DLG2: variants seen among roughly 807,000 people sequenced by gnomAD.
DLG2 encodes the protein discs large MAGUK scaffold protein 2.
In DLG2, 45 loss-of-function variants were observed where a neutral mutation model predicts 132.5. The ratio of observed to expected loss-of-function variants is 0.34; its 90% confidence interval spans 0.27 to 0.44. The LOEUF is 0.44. DLG2 is among the 20% of genes least tolerant of loss of function. The pLI is 1.00. For missense variants in DLG2, 1,045 were observed against 1,196.9 expected, an observed-to-expected ratio of 0.87 and a Z score of 1.87; for synonymous variants, 424 against 419.6, an observed-to-expected ratio of 1.01 and a Z score of -0.13.
intron 6 of DLG2, among the ~76,000 whole-genome samples, chr11:85,046,103 CCTTT>C (rs777056427): frequency 2.6e-5 from 4 of 152,012 alleles, no homozygotes; most frequent in Admixed American, 1.3e-4. Context: ...CCATAAACCC[CCTTT>C]CTATTTCTTG....
chr11:83,740,660 A>G (rs542441368), intron 18 of DLG2, among the ~76,000 whole-genome samples: 1 of 152,314 alleles, frequency 6.6e-6, no homozygotes. Context: ...TTTTATGAAA[A>G]CAGTAAAAAT....
intron 3 of DLG2, among the ~76,000 whole-genome samples, chr11:85,458,519 A>G (rs2092493677): frequency 6.6e-6 from 1 of 152,186 alleles, no homozygotes; most frequent in Non-Finnish European, 1.5e-5. Context: ...GAGTTGCCAG[A>G]GTTCTCGCAC....
intron 8 of DLG2, among the ~76,000 whole-genome samples, chr11:84,183,699 A>G (rs1309256681): frequency 6.6e-6 from 1 of 152,120 alleles, no homozygotes; most frequent in Non-Finnish European, 1.5e-5. Flanking sequence ...TACATCAGGT[A>G]TATCTCCTAA....
At chr11:85,152,023 C>A (rs1343460590) in intron 5 of DLG2, among the ~76,000 whole-genome samples, 1 of 152,090 alleles carries the variant, frequency 6.6e-6, no homozygotes, top group African/African-American at 2.4e-5. Flanking sequence ...GAAAAAGAAG[C>A]TCCCTTCTAA....
At chr11:85,582,232 C>T (rs1217121823) in intron 3 of DLG2, among the ~76,000 whole-genome samples, 1 of 151,536 alleles carries the variant, frequency 6.6e-6, no homozygotes, top group Non-Finnish European at 1.5e-5. Context: ...TGTGTAGAGC[C>T]AATGATTTAG....
intron 6 of DLG2, among the ~76,000 whole-genome samples, chr11:84,917,779 T>A (rs1464265712): frequency 6.6e-6 from 1 of 152,186 alleles, no homozygotes; most frequent in South Asian, 2.1e-4. Context: ...ACACGTTAAG[T>A]AGGCTTAGAT....
chr11:84,402,799 G>A (rs1477450593), intron 7 of DLG2, among the ~76,000 whole-genome samples: 1 of 150,200 alleles, frequency 6.7e-6, no homozygotes, highest in Non-Finnish European at 1.5e-5. Context: ...GGAGAATGGC[G>A]TGAAGCCGGG....
intron 5 of DLG2, among the ~76,000 whole-genome samples, chr11:85,137,317 C>T (rs2076197041): frequency 6.6e-6 from 1 of 152,058 alleles, no homozygotes; most frequent in Non-Finnish European, 1.5e-5. Flanking sequence ...ATCTCATGGT[C>T]ATAATACCCT....
intron 12 of DLG2, among the ~76,000 whole-genome samples, chr11:83,972,170 T>C (rs1387435135): frequency 1.3e-5 from 2 of 152,280 alleles, no homozygotes; most frequent in Non-Finnish European, 2.9e-5. Context: ...TAAACCTTGC[T>C]GTTTCTAGAA....
chr11:85,388,764 C>T (rs1246150635), intron 3 of DLG2, among the ~76,000 whole-genome samples: 1 of 152,120 alleles, frequency 6.6e-6, no homozygotes, highest in East Asian at 1.9e-4. Context: ...CACTGCAGTT[C>T]AGCTCTCAGG....
intron 7 of DLG2, among the ~76,000 whole-genome samples, chr11:84,378,497 A>G (rs982816325): frequency 6.6e-6 from 1 of 152,144 alleles, no homozygotes; most frequent in African/African-American, 2.4e-5. Flanking sequence ...AACCAGAAAA[A>G]AGATGATGAG....
chr11:84,681,685 T>TA (rs1365737446), intron 6 of DLG2, among the ~76,000 whole-genome samples: 1 of 152,108 alleles, frequency 6.6e-6, no homozygotes, highest in Non-Finnish European at 1.5e-5. Flanking sequence ...CTGCAGTCAG[T>TA]AATCACTCCA....
At chr11:84,389,559 T>A (rs1480276422) in intron 7 of DLG2, among the ~76,000 whole-genome samples, 1 of 152,204 alleles carries the variant, frequency 6.6e-6, no homozygotes, top group Non-Finnish European at 1.5e-5. Context: ...TTGATTTATA[T>A]TCATAGCCTT....
At chr11:85,489,779 G>A (rs1053077247) in intron 3 of DLG2, among the ~76,000 whole-genome samples, 17 of 152,030 alleles carry the variant, frequency 1.1e-4, no homozygotes, top group African/African-American at 3.1e-4. Flanking sequence ...GAAGCTATAC[G>A]AACACATGGA....
intron 7 of DLG2, among the ~76,000 whole-genome samples, chr11:84,290,912 T>C (rs1052592283): frequency 6.6e-6 from 1 of 152,166 alleles, no homozygotes; most frequent in African/African-American, 2.4e-5. Context: ...AAACTCTCTC[T>C]GAAGTTTTAT....
chr11:84,543,322 C>T (rs1409041091), intron 6 of DLG2, among the ~76,000 whole-genome samples: 1 of 152,044 alleles, frequency 6.6e-6, no homozygotes, highest in Non-Finnish European at 1.5e-5. Context: ...ACATAATTTT[C>T]CCCTTCACTT....
At chr11:84,624,692 C>T (rs2099619253) in intron 6 of DLG2, among the ~76,000 whole-genome samples, 1 of 151,424 alleles carries the variant, frequency 6.6e-6, no homozygotes, top group Non-Finnish European at 1.5e-5. Context: ...TGACATTCCT[C>T]CTTTTATTGG....
At chr11:85,323,245 G>A (rs1019114428) in intron 3 of DLG2, among the ~76,000 whole-genome samples, 1 of 152,040 alleles carries the variant, frequency 6.6e-6, no homozygotes, top group African/African-American at 2.4e-5. Flanking sequence ...CTAAAATATT[G>A]TCAGCTGAAA....
intron 7 of DLG2, among the ~76,000 whole-genome samples, chr11:84,477,668 G>A (rs778144518): frequency 1.1e-4 from 17 of 152,114 alleles, no homozygotes; most frequent in Admixed American, 2.6e-4. Flanking sequence ...TATTCCACAT[G>A]AGAGCCTATT....
Sources: gnomAD v4.1 joint callset for allele counts (sites outside exome capture counted in the v4.1 genomes callset) on GRCh38, gnomAD v4.1.1 for gene constraint, MANE v1.5 for transcripts, NCBI Gene and HGNC (gene_info 2026-07-23, HGNC 2026-07-21) for gene names.